The following NSMCE2 variants were observed in gnomAD, a reference collection of about 807,000 sequenced individuals.
The protein encoded by NSMCE2 is NSE2 SUMO ligase component of SMC5/6 complex.
A neutral mutation model predicts 23.8 loss-of-function variants in NSMCE2; 24 were observed. The ratio of observed to expected loss-of-function variants is 1.01; its 90% CI spans 0.73 to 1.42. NSMCE2 has a LOEUF of 1.42. Ranked by LOEUF, NSMCE2 falls within the 40% of genes most tolerant of loss-of-function variation. The probability of loss-of-function intolerance (pLI) is 0.00; values close to 1 mark genes in which losing one functional copy is unlikely to be tolerated. For missense variants in NSMCE2, 284 were observed against 296.5 expected (o/e 0.96, Z 0.31); for synonymous variants, 92 against 94.1 (o/e 0.98, Z 0.13).
intron 4 of NSMCE2, among the ~76,000 whole-genome samples, chr8:125,160,705 A>G (rs1449899474): frequency 6.6e-6 from 1 of 152,214 alleles, no homozygotes; most frequent in Non-Finnish European, 1.5e-5. Context: ...GAACCAGACA[A>G]CAAGTAAACA....
At chr8:125,102,894 G>T (rs1488699430) in intron 3 of NSMCE2, among the ~76,000 whole-genome samples, 2 of 152,130 alleles carry the variant, frequency 1.3e-5, no homozygotes, top group African/African-American at 4.8e-5. Flanking sequence ...TACCAGCAAA[G>T]GAAGGCCTCA....
chr8:125,246,850 G>A (rs939906763), intron 5 of NSMCE2, among the ~76,000 whole-genome samples: 2 of 151,906 alleles, frequency 1.3e-5, no homozygotes, highest in Non-Finnish European at 2.9e-5. Context: ...CACAATCAAG[G>A]TAATTAACAT....
intron 3 of NSMCE2, among the ~76,000 whole-genome samples, chr8:125,129,574 G>C (rs568838877): frequency 1.2e-3 from 173 of 149,690 alleles, no homozygotes; most frequent in Admixed American, 5.5e-3. Flanking sequence ...GTGTGTGTGT[G>C]TGTGTCTGTG....
intron 5 of NSMCE2, among the ~76,000 whole-genome samples, chr8:125,306,359 TAA>T (rs199582077): frequency 3.5e-5 from 5 of 144,726 alleles, no homozygotes; most frequent in Admixed American, 6.9e-5. Context: ...TTATATATAT[TAA>T]AAAAAAAAAA....
chr8:125,199,017 T>A (rs1395416610), intron 5 of NSMCE2, among the ~76,000 whole-genome samples: 2 of 152,222 alleles, frequency 1.3e-5, no homozygotes, highest in Non-Finnish European at 2.9e-5. Context: ...TGTATTTCTG[T>A]GGGATTGGTG....
At chr8:125,301,261 G>C (rs544998441) in intron 5 of NSMCE2, among the ~76,000 whole-genome samples, 1 of 152,076 alleles carries the variant, frequency 6.6e-6, no homozygotes, top group South Asian at 2.1e-4. Flanking sequence ...ATCCAGAAGG[G>C]GTTGAAAAAC....
intron 5 of NSMCE2, among the ~76,000 whole-genome samples, chr8:125,220,226 T>G (rs551147195): frequency 2.1e-4 from 32 of 152,182 alleles, no homozygotes; most frequent in Non-Finnish European, 4.1e-4. Flanking sequence ...AAACTATATA[T>G]ATGAGGATGG....
chr8:125,324,403 G>T (rs1432709220), intron 5 of NSMCE2, among the ~76,000 whole-genome samples: 2 of 146,914 alleles, frequency 1.4e-5, no homozygotes, highest in African/African-American at 5.0e-5. Context: ...CTGGAAACAA[G>T]CCCAATATCC....
chr8:125,307,606 T>A lies in NSMCE2; in HGVS notation c.419-49613T>A, dbSNP rs567408877. Reference sequence around the variant, plus strand: ...GCACTTCCCCTAGCTTGCCCTAGAGTTCTCAGAATACCTCCCTTCTTCCAA... The same window carrying A: ...GCACTTCCCCTAGCTTGCCCTAGAGATCTCAGAATACCTCCCTTCTTCCAA... On this transcript the variant is annotated intron_variant, in intron 5 of 7. Coordinates refer to ENST00000287437, the MANE Select transcript of NSMCE2 (RefSeq NM_173685.4). 1.4e-4 allele frequency among the ~76,000 whole-genome samples: 22 copies of A among 152,282 alleles called. No individual in the cohort carries two copies. The South Asian group carries it at 1.4e-3, about 10-fold the overall frequency.
At chr8:125,093,735 A>C (rs1817793379) in intron 1 of NSMCE2, among the ~76,000 whole-genome samples, 1 of 151,644 alleles carries the variant, frequency 6.6e-6, no homozygotes, top group Non-Finnish European at 1.5e-5. Context: ...AAAATAAATA[A>C]ATAAATAGAA....
At chr8:125,208,346 G>C (rs1055284775) in intron 5 of NSMCE2, among the ~76,000 whole-genome samples, 1 of 152,278 alleles carries the variant, frequency 6.6e-6, no homozygotes, top group South Asian at 2.1e-4. Context: ...ATCTTTAACT[G>C]TCTGTTTTTG....
chr8:125,223,806 CTTT>C (rs777644019), intron 5 of NSMCE2, among the ~76,000 whole-genome samples: 1,095 of 107,892 alleles, frequency 0.01, 15 homozygotes, highest in African/African-American at 0.039. Flanking sequence ...GGTCCTTTGC[CTTT>C]TTTTTTTTTT....
chr8:125,289,825 A>C (rs16900516), intron 5 of NSMCE2, among the ~76,000 whole-genome samples: 27,015 of 152,126 alleles, frequency 0.18, 2,529 homozygotes, highest in Middle Eastern at 0.23. Flanking sequence ...AGCAGTTGTT[A>C]ATCACACTAG....
At chr8:125,268,096 A>C (rs1316415239) in intron 5 of NSMCE2, among the ~76,000 whole-genome samples, 5 of 151,598 alleles carry the variant, frequency 3.3e-5, no homozygotes, top group Non-Finnish European at 5.9e-5. Context: ...TTAACTGGGC[A>C]TGATGGTGCC....
At chr8:125,350,587 A>G (rs4871583) in intron 5 of NSMCE2, among the ~76,000 whole-genome samples, 12,833 of 152,298 alleles carry the variant, frequency 0.084, 680 homozygotes, top group South Asian at 0.16. Context: ...AGGCCTCACA[A>G]TCATGGCAGA....
chr8:125,167,006 C>T (rs1477198896), intron 4 of NSMCE2, among the ~76,000 whole-genome samples: 3 of 152,142 alleles, frequency 2.0e-5, no homozygotes, highest in African/African-American at 7.2e-5. Flanking sequence ...TAAGATGTCT[C>T]ATAAAAAGAG....
At chr8:125,262,148 G>A (rs1449101758) in intron 5 of NSMCE2, among the ~76,000 whole-genome samples, 6 of 148,810 alleles carry the variant, frequency 4.0e-5, no homozygotes, top group African/African-American at 7.4e-5. Context: ...TGTATAGGCC[G>A]GGTGCGATGG....
intron 5 of NSMCE2, among the ~76,000 whole-genome samples, chr8:125,258,215 G>A (rs1826525337): frequency 1.3e-5 from 2 of 152,202 alleles, no homozygotes; most frequent in South Asian, 4.1e-4. Context: ...TGAAACAGGA[G>A]ATAAGTTTGT....
rs926985848 is a variant in NSMCE2 at position 125,236,817 on chromosome 8, C to CT, written c.418+54573dup. 6.5e-3 allele frequency among the ~76,000 whole-genome samples: 947 copies of CT among 145,258 alleles called. 3 individuals are homozygous for CT. The highest frequency in any genetic ancestry group is 0.012 in the Non-Finnish European group (758 of 65,798). ...TACACTATCTTTCTTTTCTTTCTTT[C>CT]TTTTTTTTTTTTCTGATCTTGCTCC... On this transcript the variant is annotated intron_variant, in intron 5 of 7. Transcript: ENST00000287437.
Sources: allele counts gnomAD v4.1 joint callset (sites outside exome capture counted in the v4.1 genomes callset), GRCh38; gene constraint gnomAD v4.1.1; transcripts MANE v1.5; gene names NCBI Gene and HGNC (gene_info 2026-07-23, HGNC 2026-07-21).